The following CHODL variants were observed in gnomAD, a reference collection of about 807,000 sequenced individuals.
CHODL encodes chondrolectin, also known as transmembrane protein MT75.
Under a neutral mutation model 34.5 loss-of-function variants are expected in CHODL, and 29 were observed. The observed-to-expected ratio is 0.84, with a 90% CI of 0.63 to 1.15. CHODL has a LOEUF of 1.15. Ranked by LOEUF, CHODL falls within the 50% of genes most tolerant of loss-of-function variation. The pLI is 0.00. For missense variants in CHODL, 332 were observed against 332.5 expected, an observed-to-expected ratio of 1.00 and a Z score of 0.01; for synonymous variants, 125 against 116.1, an observed-to-expected ratio of 1.08 and a Z score of -0.49.
At position 18,161,234 on chromosome 21, in the gene CHODL, C is replaced by T. The variant is rs561409980; in HGVS notation, c.-44-95275C>T. 5.3e-5 allele frequency among the ~76,000 whole-genome samples: 8 copies of T among 152,226 alleles called. No individual in the cohort carries two copies. In the East Asian group the frequency reaches 1.5e-3, roughly 29 times the overall value. ...CTTATAGATGTAAAGGCATAAAACACATACCCTGTCTTTGGTACTGGTTTT... is the reference window on the plus strand; with the variant it reads ...CTTATAGATGTAAAGGCATAAAACATATACCCTGTCTTTGGTACTGGTTTT... On this transcript the variant is annotated intron_variant, in intron 2 of 6. Transcript: ENST00000400127.
At chr21:18,219,594 T>A (rs2073863251) in intron 2 of CHODL, among the ~76,000 whole-genome samples, 1 of 152,196 alleles carries the variant, frequency 6.6e-6, no homozygotes, top group Non-Finnish European at 1.5e-5. Flanking sequence ...ACTCTGTTAT[T>A]TTTTGTCTTT....
intron 2 of CHODL, among the ~76,000 whole-genome samples, chr21:18,115,867 T>C (rs1171601144): frequency 6.6e-6 from 1 of 152,182 alleles, no homozygotes; most frequent in Non-Finnish European, 1.5e-5. Context: ...TGTGTCTTTT[T>C]TCCCACTCTG....
intron 2 of CHODL, among the ~76,000 whole-genome samples, chr21:18,224,243 C>T (rs938973665): frequency 6.6e-6 from 1 of 152,140 alleles, no homozygotes; most frequent in South Asian, 2.1e-4. Flanking sequence ...TTGACAGACA[C>T]TTTCTGAGCC....
chr21:17,926,375 G>GT (rs767844049), intron 1 of CHODL, among the ~76,000 whole-genome samples: 5,664 of 60,480 alleles, frequency 0.094, 357 homozygotes, highest in African/African-American at 0.21. Context: ...AAATAAGGTG[G>GT]GTTTTTTTTT....
At chr21:18,094,871 C>G (rs191453615) in intron 2 of CHODL, among the ~76,000 whole-genome samples, 1 of 151,996 alleles carries the variant, frequency 6.6e-6, no homozygotes. Context: ...CTCCTCTAAT[C>G]CCAGCACTTT....
intron 1 of CHODL, among the ~76,000 whole-genome samples, chr21:17,946,336 G>A (rs1056734999): frequency 1.3e-5 from 2 of 152,106 alleles, no homozygotes; most frequent in Non-Finnish European, 1.5e-5. Flanking sequence ...GGAGAATGGC[G>A]TGAACCCCCG....
At chr21:18,232,928 C>G (rs2073993424) in intron 2 of CHODL, among the ~76,000 whole-genome samples, 1 of 105,676 alleles carries the variant, frequency 9.5e-6, no homozygotes, top group Non-Finnish European at 1.8e-5. Context: ...ATTATGGGGT[C>G]CACATGATGT....
chr21:17,922,907 G>A (rs2063193734), intron 1 of CHODL, among the ~76,000 whole-genome samples: 1 of 152,090 alleles, frequency 6.6e-6, no homozygotes. Context: ...ATTCATTTTA[G>A]GGAGACGGGA....
chr21:18,031,803 A>G (rs962438808), intron 2 of CHODL, among the ~76,000 whole-genome samples: 2 of 152,120 alleles, frequency 1.3e-5, no homozygotes, highest in African/African-American at 4.8e-5. Context: ...CCTTTTTCCT[A>G]ATTACCAAAG....
intron 2 of CHODL, among the ~76,000 whole-genome samples, chr21:18,204,244 TA>T (rs961186404): frequency 7.9e-5 from 12 of 152,120 alleles, no homozygotes; most frequent in Non-Finnish European, 1.2e-4. Flanking sequence ...AGTCTGTGAC[TA>T]AAAAAACCTT....
chr21:18,208,383 C>G (rs567317803), intron 2 of CHODL, among the ~76,000 whole-genome samples: 1 of 152,192 alleles, frequency 6.6e-6, no homozygotes, highest in South Asian at 2.1e-4. Flanking sequence ...TGAATTCCTT[C>G]TCTGTGTTAT....
intron 2 of CHODL, among the ~76,000 whole-genome samples, chr21:18,166,207 G>T (rs1216390098): frequency 6.6e-6 from 1 of 152,158 alleles, no homozygotes; most frequent in Non-Finnish European, 1.5e-5. Context: ...CTAGTTCCTA[G>T]GATCTGCCTA....
At position 18,081,613 on chromosome 21, in the gene CHODL, G is replaced by A. The variant is rs148430676; in HGVS notation, c.-45+53642G>A. Among the ~76,000 whole-genome samples the A allele has an allele frequency of 5.4e-3, 819 of 151,906 alleles. 6 individuals are homozygous for A. The highest frequency in any genetic ancestry group is 0.018 in the African/African-American group (749 of 41,426). On this transcript the variant is annotated intron_variant, in intron 2 of 6. Coordinates refer to the CHODL transcript ENST00000400127. The stretch of plus-strand genomic sequence containing the variant: ...AGAGAATCGCTTGAACCCAGGAGGC[G>A]GAGGTTGCAGTGAGCTGAGATTGTA...
intron 2 of CHODL, among the ~76,000 whole-genome samples, chr21:18,039,114 T>C (rs958657519): frequency 1.3e-5 from 2 of 151,662 alleles, no homozygotes; most frequent in African/African-American, 4.8e-5. Flanking sequence ...GTGATAATTC[T>C]GAATCGAGGG....
intron 2 of CHODL, among the ~76,000 whole-genome samples, chr21:18,134,870 G>C (rs1424544761): frequency 6.6e-6 from 1 of 152,204 alleles, no homozygotes; most frequent in Non-Finnish European, 1.5e-5. Flanking sequence ...TTACTAGAGA[G>C]AGCTATGTTA....
At chr21:18,161,428 G>T (rs764048525) in intron 2 of CHODL, among the ~76,000 whole-genome samples, 1 of 152,098 alleles carries the variant, frequency 6.6e-6, no homozygotes, top group Non-Finnish European at 1.5e-5. Flanking sequence ...TTGTAATCAT[G>T]CCTACAATGC....
chr21:18,146,023 C>T (rs535602405), intron 2 of CHODL, among the ~76,000 whole-genome samples: 2 of 152,076 alleles, frequency 1.3e-5, no homozygotes, highest in Non-Finnish European at 2.9e-5. Flanking sequence ...GGCTGGAGTG[C>T]AGTGGAGCAA....
intron 1 of CHODL, among the ~76,000 whole-genome samples, chr21:17,962,435 G>C (rs1403972153): frequency 1.3e-5 from 2 of 152,084 alleles, no homozygotes; most frequent in Non-Finnish European, 2.9e-5. Flanking sequence ...AGGTAGATTT[G>C]GGCAGTGATT....
chr21:18,070,035 C>CT (rs1568870171), intron 2 of CHODL, among the ~76,000 whole-genome samples: 12 of 77,046 alleles, frequency 1.6e-4, no homozygotes, highest in African/African-American at 4.3e-4. Context: ...TCCCCCCCCC[C>CT]ACCCATTTCC....
Sources: allele counts gnomAD v4.1 joint callset (sites outside exome capture counted in the v4.1 genomes callset), GRCh38; gene constraint gnomAD v4.1.1; transcripts MANE v1.5; gene names NCBI Gene and HGNC (gene_info 2026-07-23, HGNC 2026-07-21).